BAZ2B: variants seen among roughly 807,000 people sequenced by gnomAD.
BAZ2B encodes the protein bromodomain adjacent to zinc finger domain 2B.
Under a neutral mutation model 246.0 loss-of-function variants are expected in BAZ2B, and 91 were observed. That is an observed-to-expected ratio of 0.37 (90% confidence interval 0.31 to 0.44). The LOEUF is 0.44. Ranked by LOEUF, BAZ2B falls within the 20% of genes least tolerant of loss-of-function variation. BAZ2B has a pLI of 1.00. For synonymous variants in BAZ2B, 855 were observed against 860.0 expected (o/e 0.99, Z 0.10); for missense variants, 2,332 against 2,533.7 (o/e 0.92, Z 1.71).
the BAZ2B span, among the ~76,000 whole-genome samples, chr2:159,709,309 T>C: frequency 9.2e-5 from 13 of 140,852 alleles, no homozygotes; most frequent in East Asian, 2.1e-4. Context: ...ATGTGTGTGG[T>C]GGGGGTGGGG....
At chr2:159,329,861 T>C (rs927697982) in intron 34 of BAZ2B, among the ~76,000 whole-genome samples, 1 of 152,194 alleles carries the variant, frequency 6.6e-6, no homozygotes, top group African/African-American at 2.4e-5. Flanking sequence ...GCTAGGATAC[T>C]AATTTAAGAA....
chr2:159,704,317 A>G, the BAZ2B span, among the ~76,000 whole-genome samples: 384 of 152,338 alleles, frequency 2.5e-3, no homozygotes, highest in African/African-American at 8.7e-3. Flanking sequence ...AAAGTGAAAC[A>G]GGAATAGTGG....
intron 2 of BAZ2B, among the ~76,000 whole-genome samples, chr2:159,548,051 C>T (rs569172214): frequency 6.6e-6 from 1 of 152,100 alleles, no homozygotes; most frequent in Non-Finnish European, 1.5e-5. Flanking sequence ...GGGTTTCTTT[C>T]ATCCAAATAT....
At chr2:159,529,509 T>A (rs1395314516) in intron 2 of BAZ2B, among the ~76,000 whole-genome samples, 1 of 152,182 alleles carries the variant, frequency 6.6e-6, no homozygotes, top group Non-Finnish European at 1.5e-5. Context: ...GGTATCTACA[T>A]GGCTCAACTC....
At chr2:159,438,944 A>G in intron 7 of BAZ2B, 65 bp downstream of exon 7, 2 of 1,500,218 alleles carry the variant, frequency 1.3e-6, no homozygotes, top group Non-Finnish European at 1.8e-6. Flanking sequence ...TTTGAGAGTC[A>G]AGATAAACCA....
At chr2:159,562,211 A>T (rs1332970064) in intron 1 of BAZ2B, among the ~76,000 whole-genome samples, 1 of 152,086 alleles carries the variant, frequency 6.6e-6, no homozygotes, top group African/African-American at 2.4e-5. Flanking sequence ...AAACTTCTCT[A>T]AAAAAAGGTA....
chr2:159,476,560 T>C (rs1375527427), intron 3 of BAZ2B, among the ~76,000 whole-genome samples: 1 of 152,274 alleles, frequency 6.6e-6, no homozygotes, highest in Admixed American at 6.5e-5. Context: ...TCATGAGAAC[T>C]GCAAGCAAAT....
At chr2:159,624,988 A>G in the BAZ2B span, among the ~76,000 whole-genome samples, 1 of 152,090 alleles carries the variant, frequency 6.6e-6, no homozygotes, top group South Asian at 2.1e-4. Context: ...AACGTAAATG[A>G]TCTGATGGAA....
chr2:159,423,913 CG>C (rs775538976), intron 13 of BAZ2B, among the ~76,000 whole-genome samples: 1 of 152,164 alleles, frequency 6.6e-6, no homozygotes, highest in Non-Finnish European at 1.5e-5. Context: ...AACTACCAAT[CG>C]GGTACTGTGC....
At chr2:159,675,883 G>A in the BAZ2B span, among the ~76,000 whole-genome samples, 1 of 150,678 alleles carries the variant, frequency 6.6e-6, no homozygotes, top group African/African-American at 2.4e-5. Flanking sequence ...GGGAATACAG[G>A]CGCACCCCCT....
intron 1 of BAZ2B, among the ~76,000 whole-genome samples, chr2:159,605,589 A>T (rs1662912529): frequency 6.6e-6 from 1 of 151,906 alleles, no homozygotes; most frequent in Non-Finnish European, 1.5e-5. Flanking sequence ...GTCACAGAAC[A>T]CTTCATTATA....
At chr2:159,685,292 TAGAAAGAAGTATCTATAAATA>T in the BAZ2B span, among the ~76,000 whole-genome samples, 2 of 152,230 alleles carry the variant, frequency 1.3e-5, no homozygotes, top group African/African-American at 4.8e-5. Context: ...AATTTTTATT[TAGAAAGAAGTATCTATAAATA>T]AGTTAACATT....
chr2:159,513,010 A>G (rs1559661208), intron 2 of BAZ2B, among the ~76,000 whole-genome samples: 1 of 152,198 alleles, frequency 6.6e-6, no homozygotes, highest in Non-Finnish European at 1.5e-5. Flanking sequence ...AATGGAATCT[A>G]AAGACCTGGA....
intron 1 of BAZ2B, among the ~76,000 whole-genome samples, chr2:159,564,367 A>G (rs1402067616): frequency 1.3e-5 from 2 of 152,088 alleles, no homozygotes; most frequent in Non-Finnish European, 2.9e-5. Context: ...TGAAAGCCAT[A>G]TGGGATGTTA....
chr2:159,381,070 C>A (rs1018510973), intron 25 of BAZ2B, among the ~76,000 whole-genome samples: 1 of 152,114 alleles, frequency 6.6e-6, no homozygotes, highest in African/African-American at 2.4e-5. Flanking sequence ...GAACAAGGAG[C>A]CTTGTGGGCT....
the BAZ2B span, among the ~76,000 whole-genome samples, chr2:159,626,001 C>CA: frequency 0.38 from 52,329 of 139,200 alleles, 9,365 homozygotes; most frequent in South Asian, 0.47. Flanking sequence ...AAATGGAAAG[C>CA]AAAAAAAAAA....
chr2:159,426,472 T>C (rs1001323119), intron 13 of BAZ2B, among the ~76,000 whole-genome samples: 2 of 152,166 alleles, frequency 1.3e-5, no homozygotes, highest in Non-Finnish European at 2.9e-5. Context: ...ATACAGAATG[T>C]GTAACACTGT....
chr2:159,462,507 T>TTG, intron 3 of BAZ2B: 1 of 990,900 alleles, frequency 1.0e-6, no homozygotes, highest in East Asian at 2.4e-5. Flanking sequence ...GTATCTGACA[T>TTG]TGTTTGACAG....
chr2:159,333,483 C>T (rs1397666322), intron 33 of BAZ2B, among the ~76,000 whole-genome samples: 1 of 151,572 alleles, frequency 6.6e-6, no homozygotes, highest in East Asian at 1.9e-4. Context: ...GTAAGTTTTA[C>T]AAAGGAAAGA....
Sources: gnomAD v4.1 joint callset for allele counts (sites outside exome capture counted in the v4.1 genomes callset) on GRCh38, gnomAD v4.1.1 for gene constraint, MANE v1.5 for transcripts, NCBI Gene and HGNC (gene_info 2026-07-23, HGNC 2026-07-21) for gene names.